Variants in NRG2 observed in about 807,000 individuals in gnomAD.
NRG2 encodes the protein pro-neuregulin-2, membrane-bound isoform.
A neutral mutation model predicts 73.9 loss-of-function variants in NRG2; 27 were observed. The ratio of observed to expected loss-of-function variants is 0.37; its 90% CI spans 0.27 to 0.50. NRG2 has a LOEUF of 0.50. Ranked by LOEUF, NRG2 falls within the 20% of genes least tolerant of loss-of-function variation. The pLI, the probability that NRG2 is intolerant of heterozygous loss-of-function variation, is 0.96. For synonymous variants in NRG2, 532 were observed against 541.0 expected (o/e 0.98, Z 0.23); for missense variants, 1,126 against 1,210.1 (o/e 0.93, Z 1.03).
At chr5:139,939,258 TTC>T (rs1646639851) in intron 1 of NRG2, among the ~76,000 whole-genome samples, 1 of 147,466 alleles carries the variant, frequency 6.8e-6, no homozygotes, top group Non-Finnish European at 1.5e-5. Context: ...CTTTCTTTCT[TTC>T]TTTTTCTTTC....
chr5:139,930,184 CA>C (rs1459776933), intron 1 of NRG2, among the ~76,000 whole-genome samples: 10 of 152,206 alleles, frequency 6.6e-5, no homozygotes, highest in African/African-American at 2.4e-4. Flanking sequence ...CCCAAGTAAA[CA>C]ACCAGCCTAA....
At chr5:139,989,755 G>GT (rs34260990) in intron 1 of NRG2, among the ~76,000 whole-genome samples, 1 of 114,290 alleles carries the variant, frequency 8.7e-6, no homozygotes. Flanking sequence ...TTTTTGCTAG[G>GT]TTTTTATTAT....
At chr5:140,000,539 A>G (rs1167664427) in intron 1 of NRG2, among the ~76,000 whole-genome samples, 2 of 152,258 alleles carry the variant, frequency 1.3e-5, no homozygotes, top group Non-Finnish European at 2.9e-5. Context: ...ATCAGCTGGA[A>G]ACACCGAAGG....
At chr5:139,968,435 T>G (rs1159107589) in intron 1 of NRG2, among the ~76,000 whole-genome samples, 4 of 152,320 alleles carry the variant, frequency 2.6e-5, no homozygotes, top group South Asian at 4.1e-4. Context: ...AGAAGAGGCC[T>G]GTAGACCAGA....
intron 1 of NRG2, among the ~76,000 whole-genome samples, chr5:139,943,737 C>T (rs1414283736): frequency 6.6e-6 from 1 of 152,038 alleles, no homozygotes; most frequent in African/African-American, 2.4e-5. Flanking sequence ...TGAGGATGCA[C>T]CAGTAATAAA....
intron 1 of NRG2, among the ~76,000 whole-genome samples, chr5:140,028,813 G>C (rs977828369): frequency 6.6e-6 from 1 of 152,078 alleles, no homozygotes; most frequent in Non-Finnish European, 1.5e-5. Flanking sequence ...AACAAGCAGA[G>C]TGTGGTGGAT....
intron 1 of NRG2, among the ~76,000 whole-genome samples, chr5:140,024,502 G>C (rs1760516538): frequency 6.6e-6 from 1 of 152,144 alleles, no homozygotes; most frequent in Non-Finnish European, 1.5e-5. Context: ...TGATCCGCCC[G>C]CCTCGGCCTC....
intron 1 of NRG2, among the ~76,000 whole-genome samples, chr5:140,013,172 T>C (rs1304474658): frequency 6.6e-6 from 1 of 152,178 alleles, no homozygotes; most frequent in East Asian, 1.9e-4. Context: ...ACAACATATA[T>C]GCATCTGTCG....
chr5:139,975,183 G>A (rs1420384339), intron 1 of NRG2, among the ~76,000 whole-genome samples: 2 of 152,128 alleles, frequency 1.3e-5, no homozygotes, highest in Non-Finnish European at 2.9e-5. Flanking sequence ...AATTCTAATC[G>A]CAGTCAGCAA....
intron 1 of NRG2, among the ~76,000 whole-genome samples, chr5:139,909,689 G>A (rs1580714087): frequency 1.3e-5 from 2 of 152,330 alleles, no homozygotes; most frequent in East Asian, 3.9e-4. Context: ...GGAGGAAATA[G>A]ATCAAAATGC....
At chr5:140,002,792 C>A (rs1758589541) in intron 1 of NRG2, among the ~76,000 whole-genome samples, 1 of 152,050 alleles carries the variant, frequency 6.6e-6, no homozygotes, top group South Asian at 2.1e-4. Flanking sequence ...AGCAGAGAGA[C>A]CAATTTGAAG....
rs141054726 is a variant in NRG2, at chr5:139,921,355, G to C, written c.701-33844C>G. The stretch of plus-strand genomic sequence containing the variant: ...CCTGACTTTGAGGCTTTCTGTAAAG[G>C]TACAGTAATCAGGACAGTGGGGTAT... On this transcript the variant is annotated intron_variant, in intron 1 of 9. Transcript: ENST00000361474. Among the ~76,000 whole-genome samples the C allele has an allele frequency of 4.2e-3, 637 of 152,288 alleles. 3 individuals are homozygous for C. The highest frequency in any genetic ancestry group is 0.015 in the African/African-American group (625 of 41,548).
Position 139,854,797 on chromosome 5 carries a change from C to T in NRG2, c.1292+879G>A, listed in dbSNP as rs560246805. On this transcript the variant is annotated intron_variant, in intron 6 of 9. Coordinates refer to ENST00000361474, the MANE Select transcript of NRG2 (RefSeq NM_004883.3). ...TCAGCACATCAGAAGGTCATAGGGC[C>T]TTGGATGCCGAGCTAGGGAGCCTGG... 5.9e-5 allele frequency among the ~76,000 whole-genome samples: 9 copies of T among 152,034 alleles called. No homozygotes were observed. In the South Asian group the frequency reaches 6.3e-4, roughly 11 times the overall value.
At chr5:139,911,088 C>T (rs1044876448) in intron 1 of NRG2, among the ~76,000 whole-genome samples, 4 of 151,820 alleles carry the variant, frequency 2.6e-5, no homozygotes, top group Admixed American at 2.6e-4. Flanking sequence ...AACAGGCAGG[C>T]CTGGACAGGG....
At chr5:139,849,647 C>G (rs1271091177) in intron 9 of NRG2, among the ~76,000 whole-genome samples, 5 of 152,218 alleles carry the variant, frequency 3.3e-5, no homozygotes, top group Non-Finnish European at 4.4e-5. Flanking sequence ...AACTGCACAG[C>G]TGGGCATCTC....
rs146257035 is a variant in NRG2 at position 140,005,609 on chromosome 5, C to T, written c.700+36761G>A. 9.2e-5 allele frequency among the ~76,000 whole-genome samples: 14 copies of T among 152,288 alleles called. No individual in the cohort carries two copies. The East Asian group carries it at 2.7e-3, about 29-fold the overall frequency. Reference sequence around the variant, plus strand: ...CAGAGACAGCCATGGCAAGAGTGCTCGTGGTCGTCAAATTTTCTGCAGGGC... The same window carrying T: ...CAGAGACAGCCATGGCAAGAGTGCTTGTGGTCGTCAAATTTTCTGCAGGGC... On this transcript the variant is annotated intron_variant, in intron 1 of 9. Transcript: ENST00000361474.
chr5:139,908,990 G>T (rs1765426358), intron 1 of NRG2, among the ~76,000 whole-genome samples: 1 of 152,212 alleles, frequency 6.6e-6, no homozygotes, highest in Non-Finnish European at 1.5e-5. Context: ...CTGTTGCCAT[G>T]GGAACTCTTT....
chr5:139,891,083 G>A (rs774405171), intron 1 of NRG2, among the ~76,000 whole-genome samples: 7 of 152,234 alleles, frequency 4.6e-5, no homozygotes, highest in Admixed American at 1.3e-4. Flanking sequence ...CAAGGGAACT[G>A]CCTGTCTCCA....
intron 1 of NRG2, among the ~76,000 whole-genome samples, chr5:140,028,249 G>C (rs764852184): frequency 1.3e-5 from 2 of 152,208 alleles, no homozygotes; most frequent in Non-Finnish European, 2.9e-5. Context: ...TGTGTCATTT[G>C]AGGAAGCTAG....
Sources: allele counts gnomAD v4.1 joint callset (sites outside exome capture counted in the v4.1 genomes callset), GRCh38; gene constraint gnomAD v4.1.1; transcripts MANE v1.5; gene names NCBI Gene and HGNC (gene_info 2026-07-23, HGNC 2026-07-21).